Variants in AGL observed in about 807,000 individuals in gnomAD.
The protein encoded by AGL is amylo-alpha-1,6-glucosidase and 4-alpha-glucanotransferase.
A neutral mutation model predicts 199.3 loss-of-function variants in AGL; 128 were observed. That is an observed-to-expected ratio of 0.64 (90% CI 0.56 to 0.74). The LOEUF is 0.74. Among genes scored for constraint, AGL ranks in the 30% least tolerant of loss-of-function variants. The pLI, the probability that AGL is intolerant of heterozygous loss-of-function variation, is 0.00. For missense variants in AGL, 1,809 were observed against 1,820.8 expected (o/e 0.99, Z 0.12); for synonymous variants, 584 against 594.7 (o/e 0.98, Z 0.26).
rs1282992896 is a variant in AGL, at chr1:99,891,547, A to G, written c.2950-59A>G. The G allele has an allele frequency of 2.5e-6, 4 of 1,598,056 alleles. No homozygotes were observed. In the East Asian group the frequency reaches 8.9e-5, roughly 36 times the overall value. ...AAGTTGCACATTTAGATTTACCTCT[A>G]AAAACACACCTAGTCTGTACACATA... On this transcript the variant is annotated intron_variant, in intron 22 of 33. Transcript: ENST00000361915.
intron 10 of AGL, 114 bp downstream of exon 10, chr1:99,875,569 A>G: frequency 1.1e-6 from 1 of 920,044 alleles, no homozygotes; most frequent in African/African-American, 1.7e-5. Context: ...CATTTCTTAA[A>G]TTGAAATAGA....
At chr1:99,890,635 G>T (rs966801975) in intron 21 of AGL, among the ~76,000 whole-genome samples, 3 of 79,728 alleles carry the variant, frequency 3.8e-5, no homozygotes, top group African/African-American at 1.2e-4. Flanking sequence ...AGACTAGAAG[G>T]ATTAAGAAAA....
At chr1:99,854,778 AG>A (rs1259296041) in intron 2 of AGL, among the ~76,000 whole-genome samples, 1 of 151,540 alleles carries the variant, frequency 6.6e-6, no homozygotes, top group Non-Finnish European at 1.5e-5. Flanking sequence ...AAAAAAAAAA[AG>A]ATAATTTGAA....
chr1:99,866,115 GT>G (rs975895543), intron 5 of AGL, among the ~76,000 whole-genome samples: 8 of 151,970 alleles, frequency 5.3e-5, no homozygotes, highest in African/African-American at 1.9e-4. Context: ...ACAAAATAAT[GT>G]AAAAAAATTG....
intron 5 of AGL, among the ~76,000 whole-genome samples, chr1:99,866,794 G>GATTTC (rs1650547411): frequency 2.2e-5 from 1 of 45,978 alleles, no homozygotes; most frequent in Admixed American, 1.9e-4. Flanking sequence ...TGTGAAACAA[G>GATTTC]TTTTCTTTTA....
chr1:99,910,848 G>T lies in AGL; in HGVS notation c.3836+1G>T. The T allele has an allele frequency of 1.9e-6, 3 of 1,612,040 alleles. No individual in the cohort carries two copies. Among genetic ancestry groups the T allele is most frequent in the Non-Finnish European group, 1.7e-6 (2 of 1,178,684 alleles). ...ACAGAGGAATCCCAGCCACACCAAG[G>T]TAGTGTAAATGTTATAATGCTGTGT... On this transcript the variant is annotated splice_donor_variant, in intron 28 of 33. Coordinates refer to ENST00000361915, the MANE Select transcript of AGL (RefSeq NM_000642.3). LOFTEE classifies it high-confidence loss of function.
chr1:99,913,414 A>T (rs1654892110), intron 29 of AGL, 113 bp from the exon 30 acceptor site: 3 of 898,116 alleles, frequency 3.3e-6, no homozygotes, highest in Non-Finnish European at 5.2e-6. Context: ...AAAAGTGGAT[A>T]ATTTATTGCC....
intron 25 of AGL, among the ~76,000 whole-genome samples, chr1:99,897,056 T>C (rs1653384662): frequency 6.6e-6 from 1 of 152,176 alleles, no homozygotes; most frequent in Non-Finnish European, 1.5e-5. Context: ...ACCTTGTGAT[T>C]TGCCTGCCTC....
chr1:99,891,743 T>TATCC lies in AGL; in HGVS notation c.3083+6_3083+9dup, dbSNP rs2100790205. 1 of 1,613,400 alleles carries TATCC rather than the reference T, an allele frequency of 6.2e-7. No homozygotes were observed. The highest frequency in any genetic ancestry group is 1.1e-5 in the South Asian group (1 of 91,072). ...CAGCATGGAAGCAGATGTCAAGGTA[T>TATCC]ATCCAACAAAGCTTGAATAAATGGG... is the stretch of plus-strand genomic sequence containing the variant. On this transcript the variant is annotated splice_donor_region_variant and intron_variant, in intron 23 of 33. Coordinates refer to ENST00000361915, the MANE Select transcript of AGL (RefSeq NM_000642.3).
chr1:99,855,176 G>A (rs1043871984), intron 2 of AGL, among the ~76,000 whole-genome samples: 2 of 151,774 alleles, frequency 1.3e-5, no homozygotes, highest in African/African-American at 2.4e-5. Flanking sequence ...ACTCCAGCCC[G>A]GGCAACAGAG....
intron 2 of AGL, chr1:99,852,536 ATTTT>A (rs58176899): frequency 8.2e-4 from 390 of 475,544 alleles, no homozygotes; most frequent in Non-Finnish European, 8.8e-4. Flanking sequence ...TGCCCCGCTA[ATTTT>A]TTTTTTTTTT....
In AGL at chr1:99,892,549, T is replaced by TTA. The variant is rs1553188832; in HGVS notation, c.3204_3205dup (p.Arg1069IlefsTer3). 1 of 1,613,680 alleles carries TTA rather than the reference T, an allele frequency of 6.2e-7. No homozygotes were observed. The highest frequency in any genetic ancestry group is 2.2e-5 in the East Asian group (1 of 44,798). On this transcript the variant is annotated frameshift_variant, in exon 24 of 34. Coordinates refer to ENST00000361915, the MANE Select transcript of AGL (RefSeq NM_000642.3). LOFTEE classifies it high-confidence loss of function. ...TTTCACCTGCCCTAATGGATGTACC[T>TTA]TATAGGTTAAATGAGATCACAAAAG...
intron 27 of AGL, among the ~76,000 whole-genome samples, chr1:99,904,244 A>G (rs1654079179): frequency 1.3e-5 from 2 of 152,148 alleles, no homozygotes; most frequent in South Asian, 4.1e-4. Context: ...ATTTCATTTT[A>G]TTCCCCATTC....
rs185911921 is a variant in AGL, at chr1:99,855,758, A to G, written c.82+4634A>G. On this transcript the variant is annotated intron_variant, in intron 2 of 33. Transcript: ENST00000361915. ...AGAGGTTGCAGTGAGCCAAGATCAC[A>G]CCACTGTACTCCAGCCTGGGCAACA... 7.3e-3 allele frequency among the ~76,000 whole-genome samples: 1,111 copies of G among 151,872 alleles called. 16 individuals are homozygous for G. Among genetic ancestry groups the G allele is most frequent in the Middle Eastern group, 0.01 (3 of 292 alleles).
rs761455023 is a variant in AGL at position 99,900,871 on chromosome 1, T to C, written c.3588+10T>C. ...GCCTGCTGGCACACTGGTAAAGATA[T>C]TTCTTAAAATGTTTTTTTGTTTTTT... On this transcript the variant is annotated intron_variant, in intron 26 of 33. Coordinates refer to ENST00000361915, the MANE Select transcript of AGL (RefSeq NM_000642.3). 10 of 1,581,562 alleles carry C rather than the reference T, an allele frequency of 6.3e-6. No individual in the cohort carries two copies. The highest frequency in any genetic ancestry group is 8.6e-6 in the Non-Finnish European group (10 of 1,159,320).
At chr1:99,886,091 ATATATTAT>A (rs1238515422) in intron 20 of AGL, among the ~76,000 whole-genome samples, 6 of 152,206 alleles carry the variant, frequency 3.9e-5, no homozygotes, top group Non-Finnish European at 8.8e-5. Flanking sequence ...AATACTGAGT[ATATATTAT>A]TATAACGTAG....
intron 27 of AGL, among the ~76,000 whole-genome samples, 188 bp downstream of exon 27, chr1:99,902,982 C>T (rs1178810909): frequency 2.6e-5 from 4 of 152,030 alleles, no homozygotes; most frequent in South Asian, 2.1e-4. Flanking sequence ...CTTTTGTCAG[C>T]CAGTTTGAAA....
At chr1:99,889,967 T>C (rs1477585910) in intron 21 of AGL, among the ~76,000 whole-genome samples, 3 of 152,202 alleles carry the variant, frequency 2.0e-5, no homozygotes, top group South Asian at 4.1e-4. Context: ...TGACCTGTCT[T>C]TCCCTTAAAC....
At chr1:99,884,772 A>G in intron 20 of AGL, 69 bp downstream of exon 20, 20 of 1,572,630 alleles carry the variant, frequency 1.3e-5, no homozygotes, top group Non-Finnish European at 1.7e-5. Context: ...TGAATTAAGC[A>G]GTTTTAAGGG....
Sources: allele counts gnomAD v4.1 joint callset (sites outside exome capture counted in the v4.1 genomes callset), GRCh38; gene constraint gnomAD v4.1.1; transcripts MANE v1.5; gene names NCBI Gene and HGNC (gene_info 2026-07-23, HGNC 2026-07-21).